CASS4: variants seen among roughly 807,000 people sequenced by gnomAD.
CASS4 encodes the protein cas scaffolding protein family member 4.
CASS4 carries 22 observed loss-of-function variants against 54.2 expected under a neutral mutation model. That is an observed-to-expected ratio of 0.41 (90% CI 0.29 to 0.58). CASS4 has a LOEUF of 0.58. Ranked by LOEUF, CASS4 falls within the 20% of genes least tolerant of loss-of-function variation. The pLI is 0.36. For missense variants in CASS4, 854 were observed against 986.7 expected (o/e 0.87, Z 1.80); for synonymous variants, 409 against 391.5 (o/e 1.04, Z -0.53).
chr20:56,446,046 C>T (rs370383528), intron 3 of CASS4, 45 bp downstream of exon 3: 2 of 1,325,680 alleles, frequency 1.5e-6, no homozygotes, highest in Non-Finnish European at 2.2e-6. Context: ...CCTCTGCGCC[C>T]AGAGTCTGGG....
At position 56,412,497 on chromosome 20, in the gene CASS4, G is replaced by A. The variant is rs1447368911; in HGVS notation, c.36+3G>A. Reference sequence around the variant, plus strand: ...GCATCATGGACTGTGCGCCCAAGGTGAGTGATGTGGGGCTGTTTGAATGGG... The same window carrying A: ...GCATCATGGACTGTGCGCCCAAGGTAAGTGATGTGGGGCTGTTTGAATGGG... On this transcript the variant is annotated splice_donor_region_variant and intron_variant, in intron 1 of 5. Transcript: ENST00000679887. The surrounding 1 kb of genome is among the most constrained non-coding windows in gnomAD (Gnocchi z 4.2). 4 of 1,611,816 alleles carry A rather than the reference G, an allele frequency of 2.5e-6. No individual in the cohort carries two copies. Among genetic ancestry groups the A allele is most frequent in the South Asian group, 1.1e-5 (1 of 90,504 alleles).
chr20:56,437,089 A>G lies in CASS4; in HGVS notation c.37-75A>G. On this transcript the variant is annotated intron_variant, in intron 1 of 5. Coordinates refer to ENST00000679887, the MANE Select transcript of CASS4 (RefSeq NM_020356.4). This position sits in a 1 kb window ranked among gnomAD's most constrained non-coding sequence, Gnocchi z 4.7. ...TGATGAATTTGTATGAAGCTTTCTA[A>G]GAGAGTGGGATTGGAGTAGCAGTCA... 1.6e-6 allele frequency: 2 copies of G among 1,280,156 alleles called. No homozygotes were observed. Among genetic ancestry groups the G allele is most frequent in the South Asian group, 1.5e-5 (1 of 68,210 alleles). 79.3% of individuals were successfully genotyped at this position (1,280,156 alleles called of 1,614,324 possible).
chr20:56,437,628 G>A lies in CASS4; in HGVS notation c.459+42G>A, dbSNP rs1207039330. On this transcript the variant is annotated intron_variant, in intron 2 of 5. Coordinates refer to ENST00000679887, the MANE Select transcript of CASS4 (RefSeq NM_020356.4). This position sits in a 1 kb window ranked among gnomAD's most constrained non-coding sequence, Gnocchi z 4.7. ...CTACTAGACATGGGTTGAGGGGTAT[G>A]GAAACACCCAGAGGCCTAACTACCT... The A allele has an allele frequency of 8.7e-6, 13 of 1,487,286 alleles. No homozygotes were observed. The highest frequency in any genetic ancestry group is 1.1e-5 in the Non-Finnish European group (12 of 1,111,872). 92.1% of individuals were successfully genotyped at this position (1,487,286 alleles called of 1,614,324 possible). A position where few individuals can be genotyped will look rare whatever the true frequency, so the allele number is the denominator to read the frequency against.
chr20:56,449,472 G>A (rs545764830), intron 3 of CASS4, among the ~76,000 whole-genome samples: 305 of 151,998 alleles, frequency 2.0e-3, no homozygotes, highest in Non-Finnish European at 2.6e-3. Context: ...GGTAGGGGGA[G>A]TAGGGGGAGG....
chr20:56,421,383 AG>A (rs1408461724), intron 1 of CASS4, among the ~76,000 whole-genome samples: 1 of 152,192 alleles, frequency 6.6e-6, no homozygotes, highest in Non-Finnish European at 1.5e-5. Flanking sequence ...GGCAGTTGCT[AG>A]ACACAAAACC....
intron 1 of CASS4, among the ~76,000 whole-genome samples, chr20:56,424,027 A>G (rs1430419681): frequency 6.6e-6 from 1 of 152,232 alleles, no homozygotes; most frequent in Non-Finnish European, 1.5e-5. Flanking sequence ...TGGCAAATTA[A>G]TATTAATCAC....
At chr20:56,417,474 C>G (rs1979195497) in intron 1 of CASS4, among the ~76,000 whole-genome samples, 1 of 152,358 alleles carries the variant, frequency 6.6e-6, no homozygotes, top group South Asian at 2.1e-4. Flanking sequence ...CGCCAACACT[C>G]TCATCTATCT....
At chr20:56,424,252 T>C (rs1336081894) in intron 1 of CASS4, among the ~76,000 whole-genome samples, 1 of 152,212 alleles carries the variant, frequency 6.6e-6, no homozygotes, top group East Asian at 1.9e-4. Context: ...CATAAACTAA[T>C]TCTCTCACAC....
intron 3 of CASS4, among the ~76,000 whole-genome samples, chr20:56,450,038 T>A (rs568823490): frequency 6.6e-6 from 1 of 151,588 alleles, no homozygotes; most frequent in South Asian, 2.1e-4. Flanking sequence ...GGTCTTTTTT[T>A]TTTTTTCTTT....
In CASS4 at chr20:56,437,665, G is replaced by A; in HGVS notation, c.459+79G>A. ...AGGCCTAACTACCTCTTGAGGCATG[G>A]GTGTCCTTCAGATCAAACACGCAAA... On this transcript the variant is annotated intron_variant, in intron 2 of 5. Transcript: ENST00000679887. The surrounding 1 kb of genome is among the most constrained non-coding windows in gnomAD (Gnocchi z 4.7). 7.7e-7 allele frequency: 1 copy of A among 1,301,238 alleles called. No homozygotes were observed. The highest frequency in any genetic ancestry group is 1.0e-6 in the Non-Finnish European group (1 of 959,864). The allele number at this position is 1,301,238 out of a possible 1,614,324, so 80.6% of individuals were successfully genotyped here.
rs1978975567 is a variant in CASS4 at position 56,413,397 on chromosome 20, C to T, written c.36+903C>T. Among the ~76,000 whole-genome samples, 4 of 151,766 alleles carry T rather than the reference C, an allele frequency of 2.6e-5. No homozygotes were observed. The South Asian group carries it at 8.3e-4, about 32-fold the overall frequency. On this transcript the variant is annotated intron_variant, in intron 1 of 5. Transcript: ENST00000679887. Reference sequence around the variant, plus strand: ...TAATAAAAGTGACTAGTGTGGCTGTCTGCGGTGGCTCACACCTGTAATCCC... The same window carrying T: ...TAATAAAAGTGACTAGTGTGGCTGTTTGCGGTGGCTCACACCTGTAATCCC...
At chr20:56,428,082 A>C (rs1297099095) in intron 1 of CASS4, among the ~76,000 whole-genome samples, 2 of 152,208 alleles carry the variant, frequency 1.3e-5, no homozygotes, top group East Asian at 3.9e-4. Context: ...TGGTGACCTC[A>C]CTGTATGATT....
chr20:56,421,795 CTTCT>C (rs894649845), intron 1 of CASS4, among the ~76,000 whole-genome samples: 11 of 152,044 alleles, frequency 7.2e-5, no homozygotes, highest in African/African-American at 2.2e-4. Context: ...CACAAAACTC[CTTCT>C]TTCTTTATGC....
chr20:56,414,833 G>T lies in CASS4; in HGVS notation c.36+2339G>T, dbSNP rs1163346778. The stretch of plus-strand genomic sequence containing the variant: ...ATAGTGGTGCACGTCTGTATTCCCA[G>T]CTACTCGGGAGGCTGAGGCAGGAGA... On this transcript the variant is annotated intron_variant, in intron 1 of 5. Coordinates refer to ENST00000679887, the MANE Select transcript of CASS4 (RefSeq NM_020356.4). The surrounding 1 kb of genome is among the most constrained non-coding windows in gnomAD (Gnocchi z 4.1). Among the ~76,000 whole-genome samples the T allele has an allele frequency of 6.6e-6, 1 of 152,042 alleles. No individual in the cohort carries two copies. The highest frequency in any genetic ancestry group is 1.9e-4 in the East Asian group (1 of 5,190).
intron 2 of CASS4, 86 bp from the exon 3 acceptor site, chr20:56,445,814 C>T: frequency 1.9e-6 from 2 of 1,077,056 alleles, no homozygotes; most frequent in Non-Finnish European, 2.8e-6. Flanking sequence ...CCAGCTGTCT[C>T]TGCTTTTGGA....
chr20:56,454,575 C>A (rs183167752), intron 5 of CASS4, among the ~76,000 whole-genome samples: 35 of 152,278 alleles, frequency 2.3e-4, no homozygotes, highest in Middle Eastern at 3.4e-3. Flanking sequence ...AGAAAGAATG[C>A]TCAAGTCTAA....
chr20:56,453,335 A>G, intron 5 of CASS4: 1 of 418,516 alleles, frequency 2.4e-6, no homozygotes, highest in Non-Finnish European at 4.2e-6. Flanking sequence ...ATAGGCAGAT[A>G]GGTCAGTTGA....
chr20:56,436,336 A>ATGTGTGTG (rs35972653), intron 1 of CASS4, among the ~76,000 whole-genome samples: 12 of 142,456 alleles, frequency 8.4e-5, no homozygotes, highest in African/African-American at 3.2e-4. Flanking sequence ...TGCTATATAT[A>ATGTGTGTG]TGTGTGTGTG....
chr20:56,450,800 G>T, intron 4 of CASS4, 121 bp downstream of exon 4: 1 of 829,776 alleles, frequency 1.2e-6, no homozygotes, highest in Non-Finnish European at 1.9e-6. Context: ...TTGAGAGGCC[G>T]AGGTGAGTGC....
Sources: gnomAD v4.1 joint callset for allele counts (sites outside exome capture counted in the v4.1 genomes callset) on GRCh38, gnomAD v4.1.1 for gene constraint, Gnocchi (gnomAD v3.1) non-coding constraint, MANE v1.5 for transcripts, NCBI Gene and HGNC (gene_info 2026-07-23, HGNC 2026-07-21) for gene names.